MCC: variants seen among roughly 807,000 people sequenced by gnomAD.
MCC encodes the protein MCC regulator of Wnt signaling pathway.
MCC carries 90 observed loss-of-function variants against 116.2 expected under a neutral mutation model. That is an observed-to-expected ratio of 0.77 (90% confidence interval 0.65 to 0.92). The LOEUF (loss-of-function observed/expected upper bound fraction) is 0.92. MCC is among the 40% of genes least tolerant of loss of function. The probability of loss-of-function intolerance (pLI) is 0.00; values close to 1 mark genes in which losing one functional copy is unlikely to be tolerated. For missense variants in MCC, 1,516 were observed against 1,312.2 expected (o/e 1.16, Z -2.40); for synonymous variants, 578 against 510.5 (o/e 1.13, Z -1.78).
At chr5:113,149,045 T>G (rs1230166068) in intron 4 of MCC, among the ~76,000 whole-genome samples, 1 of 152,152 alleles carries the variant, frequency 6.6e-6, no homozygotes, top group African/African-American at 2.4e-5. Context: ...AATACCTTCC[T>G]GGTCACTTTT....
intron 3 of MCC, among the ~76,000 whole-genome samples, chr5:113,260,356 ATC>A (rs1176646589): frequency 1.3e-5 from 2 of 152,146 alleles, no homozygotes; most frequent in African/African-American, 4.8e-5. Flanking sequence ...GCTTTTGCAA[ATC>A]TCTTCAATGT....
chr5:113,198,340 G>C (rs1229369082), intron 3 of MCC, among the ~76,000 whole-genome samples: 1 of 152,038 alleles, frequency 6.6e-6, no homozygotes, highest in Non-Finnish European at 1.5e-5. Context: ...ATGAGCCTGG[G>C]ATAACTTATG....
chr5:113,433,839 T>G, intron 1 of MCC: 2 of 1,614,016 alleles, frequency 1.2e-6, no homozygotes, highest in Non-Finnish European at 1.7e-6. Flanking sequence ...CCTGGACATT[T>G]GCATTGCTGT....
intron 11 of MCC, among the ~76,000 whole-genome samples, chr5:113,078,156 ATAAT>A (rs1754591355): frequency 6.6e-6 from 1 of 152,198 alleles, no homozygotes. Flanking sequence ...AATTGAGGCA[ATAAT>A]TAATAGCCTA....
At chr5:113,216,837 T>C (rs920249289) in intron 3 of MCC, among the ~76,000 whole-genome samples, 4 of 152,206 alleles carry the variant, frequency 2.6e-5, no homozygotes, top group Non-Finnish European at 5.9e-5. Flanking sequence ...AGGATCTTAG[T>C]TAAGGTGCTC....
At chr5:113,223,252 G>A (rs899362663) in intron 3 of MCC, among the ~76,000 whole-genome samples, 1 of 152,196 alleles carries the variant, frequency 6.6e-6, no homozygotes, top group African/African-American at 2.4e-5. Flanking sequence ...TGGCCCATAA[G>A]CATGTTCTGT....
intron 6 of MCC, among the ~76,000 whole-genome samples, chr5:113,115,149 G>A (rs1276424433): frequency 6.6e-6 from 1 of 152,178 alleles, no homozygotes; most frequent in African/African-American, 2.4e-5. Flanking sequence ...TCCTGCTGGT[G>A]CTCAAAAGCA....
chr5:113,326,448 T>G (rs1036219752), intron 3 of MCC, among the ~76,000 whole-genome samples: 2 of 152,196 alleles, frequency 1.3e-5, no homozygotes, highest in Non-Finnish European at 2.9e-5. Context: ...CTGTATACTC[T>G]GGAGAGGCCA....
At chr5:113,396,748 T>C (rs982075186) in intron 1 of MCC, among the ~76,000 whole-genome samples, 1 of 152,230 alleles carries the variant, frequency 6.6e-6, no homozygotes, top group African/African-American at 2.4e-5. Flanking sequence ...TGGAGAATTT[T>C]GTCTATTTTC....
At chr5:113,188,724 A>G (rs193219448) in intron 3 of MCC, among the ~76,000 whole-genome samples, 2 of 152,308 alleles carry the variant, frequency 1.3e-5, no homozygotes, top group African/African-American at 4.8e-5. Context: ...GATGCTGTTG[A>G]TTCTTCTCAT....
intron 3 of MCC, among the ~76,000 whole-genome samples, chr5:113,260,424 C>A (rs1416593210): frequency 2.0e-5 from 3 of 152,044 alleles, no homozygotes; most frequent in Admixed American, 6.6e-5. Context: ...CAATTTGTTG[C>A]AATACGGTGT....
At chr5:113,192,496 T>G (rs967115815) in intron 3 of MCC, among the ~76,000 whole-genome samples, 4 of 152,246 alleles carry the variant, frequency 2.6e-5, no homozygotes, top group African/African-American at 9.6e-5. Flanking sequence ...ATAATTAGCA[T>G]ATGTCTTCGT....
intron 1 of MCC, among the ~76,000 whole-genome samples, chr5:113,453,238 C>T (rs1313490448): frequency 6.6e-6 from 1 of 152,074 alleles, no homozygotes; most frequent in African/African-American, 2.4e-5. Context: ...TCCTCCAATG[C>T]CTAACTCATC....
At chr5:113,296,125 C>G (rs1481164458) in intron 3 of MCC, among the ~76,000 whole-genome samples, 1 of 152,116 alleles carries the variant, frequency 6.6e-6, no homozygotes, top group African/African-American at 2.4e-5. Flanking sequence ...GCACTGGGTC[C>G]CAAGTCCTTG....
chr5:113,136,396 A>T (rs1397184978), intron 5 of MCC, among the ~76,000 whole-genome samples: 3 of 152,238 alleles, frequency 2.0e-5, no homozygotes, highest in Admixed American at 1.3e-4. Flanking sequence ...GGTGCAAGAC[A>T]TCTTCTGATA....
At chr5:113,263,021 T>C (rs1430586319) in intron 3 of MCC, among the ~76,000 whole-genome samples, 2 of 151,790 alleles carry the variant, frequency 1.3e-5, no homozygotes, top group East Asian at 3.9e-4. Flanking sequence ...ATTTGAGAAA[T>C]GTTTTTTCCT....
chr5:113,395,990 C>G (rs769714396), intron 1 of MCC, among the ~76,000 whole-genome samples: 7 of 152,034 alleles, frequency 4.6e-5, no homozygotes, highest in Non-Finnish European at 1.0e-4. Flanking sequence ...ATCAACAGTC[C>G]TAAGGAATGA....
At chr5:113,439,961 C>T (rs1326959117) in intron 1 of MCC, among the ~76,000 whole-genome samples, 1 of 152,100 alleles carries the variant, frequency 6.6e-6, no homozygotes. Context: ...ACCTCCTGGC[C>T]TCAAGACCTC....
chr5:113,395,420 T>G (rs1018030126), intron 1 of MCC, among the ~76,000 whole-genome samples: 1 of 152,218 alleles, frequency 6.6e-6, no homozygotes, highest in Non-Finnish European at 1.5e-5. Flanking sequence ...AAGCTGCCTT[T>G]CCTTTTGTTC....
Sources: gnomAD v4.1 joint callset for allele counts (sites outside exome capture counted in the v4.1 genomes callset) on GRCh38, gnomAD v4.1.1 for gene constraint, MANE v1.5 for transcripts, NCBI Gene and HGNC (gene_info 2026-07-23, HGNC 2026-07-21) for gene names.